The following MARCO variants were observed in gnomAD, a reference collection of about 807,000 sequenced individuals.
The protein encoded by MARCO is macrophage receptor with collagenous structure, also known as macrophage receptor MARCO.
Under a neutral mutation model 70.0 loss-of-function variants are expected in MARCO, and 72 were observed. The ratio of observed to expected loss-of-function variants is 1.03; its 90% CI spans 0.85 to 1.25. The LOEUF (loss-of-function observed/expected upper bound fraction) is 1.25. Ranked by LOEUF, MARCO falls within the 50% of genes most tolerant of loss-of-function variation. MARCO has a pLI of 0.00. For missense variants in MARCO, 696 were observed against 659.3 expected (o/e 1.06, Z -0.61); for synonymous variants, 273 against 243.1 (o/e 1.12, Z -1.14).
chr2:118,945,824 T>A (rs962329919), intron 1 of MARCO, among the ~76,000 whole-genome samples: 47 of 152,158 alleles, frequency 3.1e-4, no homozygotes, highest in African/African-American at 1.1e-3. Context: ...GGTAGAAAAG[T>A]TAGGGTTTTT....
chr2:118,951,315 G>A (rs1304654118), intron 1 of MARCO, among the ~76,000 whole-genome samples: 1 of 152,194 alleles, frequency 6.6e-6, no homozygotes, highest in Non-Finnish European at 1.5e-5. Flanking sequence ...TCCCCGTTAG[G>A]AAACCTACTG....
chr2:118,958,636 C>A (rs1679882518), intron 1 of MARCO, among the ~76,000 whole-genome samples: 2 of 152,084 alleles, frequency 1.3e-5, no homozygotes. Flanking sequence ...CATCATTCTT[C>A]ACAGAGTTAG....
At position 118,984,054 on chromosome 2, in the gene MARCO, G is replaced by A. The variant is rs138954806; in HGVS notation, c.1063+1644G>A. Reference sequence around the variant, plus strand: ...AGCACTCTTTGTAGCACAACTTTACGGTCAAACAGCCATTAAGAGATGCAG... The same window carrying A: ...AGCACTCTTTGTAGCACAACTTTACAGTCAAACAGCCATTAAGAGATGCAG... On this transcript the variant is annotated intron_variant, in intron 12 of 16. Transcript: ENST00000327097. Among the ~76,000 whole-genome samples, 225 of 152,210 alleles carry A rather than the reference G, an allele frequency of 1.5e-3. 3 individuals are homozygous for A. Among genetic ancestry groups the A allele is most frequent in the African/African-American group, 4.6e-3 (191 of 41,538 alleles).
At position 118,991,861 on chromosome 2, in the gene MARCO, A is replaced by AC. The variant is rs1455783642; in HGVS notation, c.1195dup (p.Gln399ProfsTer18). On this transcript the variant is annotated frameshift_variant, in exon 14 of 17. Coordinates refer to ENST00000327097, the MANE Select transcript of MARCO (RefSeq NM_006770.4). LOFTEE classifies it high-confidence loss of function. Reference sequence around the variant, plus strand: ...CCTGGACAAGCTGGCCAGAAGGGAGACCAGGGAGTGAAAGGTAAGGCCTCT... The same window carrying AC: ...CCTGGACAAGCTGGCCAGAAGGGAGACCCAGGGAGTGAAAGGTAAGGCCTCT... 2 of 1,597,170 alleles carry AC rather than the reference A, an allele frequency of 1.3e-6. No homozygotes were observed.
intron 1 of MARCO, among the ~76,000 whole-genome samples, chr2:118,956,129 G>A (rs1679832569): frequency 6.6e-6 from 1 of 152,100 alleles, no homozygotes; most frequent in Non-Finnish European, 1.5e-5. Context: ...GAATGCAATG[G>A]TACCTCACAT....
intron 1 of MARCO, among the ~76,000 whole-genome samples, chr2:118,962,434 G>A (rs77424788): frequency 9.2e-5 from 14 of 151,700 alleles, no homozygotes; most frequent in East Asian, 3.9e-4. Context: ...GGTCCTTCAC[G>A]TCCTCTATTA....
intron 12 of MARCO, among the ~76,000 whole-genome samples, chr2:118,982,994 G>A (rs1367073023): frequency 6.6e-6 from 1 of 152,208 alleles, no homozygotes; most frequent in Non-Finnish European, 1.5e-5. Context: ...GTCACAGTGT[G>A]CTTGCTTGGT....
At chr2:118,963,327 G>T (rs1054880401) in intron 1 of MARCO, among the ~76,000 whole-genome samples, 3 of 147,066 alleles carry the variant, frequency 2.0e-5, no homozygotes, top group Non-Finnish European at 3.0e-5. Context: ...AAATTTTTTT[G>T]ATGCTTTCTT....
rs534623777 is a variant in MARCO at position 118,994,570 on chromosome 2, T to C, written c.*50T>C. 4 of 1,519,096 alleles carry C rather than the reference T, an allele frequency of 2.6e-6. No homozygotes were observed. In the South Asian group the frequency reaches 5.3e-5, roughly 20 times the overall value. The allele number at this position is 1,519,096 out of a possible 1,614,324, so 94.1% of individuals were successfully genotyped here. ...CTCCCGAGGTGTCCTCGGGCTCATA[T>C]GTGGGAAGGCAGAGGATCTCTGAGG... On this transcript the variant is annotated 3_prime_UTR_variant, in exon 17 of 17. Transcript: ENST00000327097.
intron 4 of MARCO, 38 bp from the exon 5 acceptor site, chr2:118,974,295 T>C (rs1012030263): frequency 1.6e-6 from 2 of 1,262,940 alleles, no homozygotes; most frequent in South Asian, 1.3e-5. Context: ...CCCCATCCTG[T>C]TGACTGACTC....
rs367746441 is a variant in MARCO, at chr2:118,946,741, A to T, written c.97+4344A>T. 9.2e-5 allele frequency among the ~76,000 whole-genome samples: 14 copies of T among 152,374 alleles called. No individual in the cohort carries two copies. In the East Asian group the frequency reaches 1.3e-3, roughly 15 times the overall value. Reference sequence around the variant, plus strand: ...TTTGGTTTTACAAGAAGTAGTCGATATATTTTCCAGTGTGACTATACCATT... The same window carrying T: ...TTTGGTTTTACAAGAAGTAGTCGATTTATTTTCCAGTGTGACTATACCATT... On this transcript the variant is annotated intron_variant, in intron 1 of 16. Transcript: ENST00000327097.
rs778263538 is a variant in MARCO at position 118,981,468 on chromosome 2, CA to C, written c.827del (p.Gln276ArgfsTer72). 6.3e-7 allele frequency: 1 copy of C among 1,597,386 alleles called. No individual in the cohort carries two copies. Among genetic ancestry groups the C allele is most frequent in the South Asian group, 1.1e-5 (1 of 87,512 alleles). On this transcript the variant is annotated frameshift_variant, in exon 9 of 17. Coordinates refer to ENST00000327097, the MANE Select transcript of MARCO (RefSeq NM_006770.4). LOFTEE classifies it high-confidence loss of function. ...AGGGGTCATGGGGCCTCCTGGAGCC[CA>C]GGGGAGTAAAGGTGACTTCGGGAGG... ...DAGVMGPPGA[Q>X]GSKGDFGRPG...
chr2:118,971,958 T>A (rs1212508582), intron 4 of MARCO, among the ~76,000 whole-genome samples: 3 of 152,124 alleles, frequency 2.0e-5, no homozygotes. Context: ...AGGGCAGTAA[T>A]GATGGGAGGC....
At chr2:118,947,862 G>T in intron 1 of MARCO, among the ~76,000 whole-genome samples, 2 of 152,124 alleles carry the variant, frequency 1.3e-5, no homozygotes, top group South Asian at 4.2e-4. Context: ...GCTTGTCTAC[G>T]GTTACAAAAA....
chr2:118,981,284 G>A (rs1239157185), intron 8 of MARCO, 125 bp from the exon 9 acceptor site: 7 of 676,664 alleles, frequency 1.0e-5, no homozygotes, highest in Non-Finnish European at 1.8e-5. Flanking sequence ...CCACTCGCGG[G>A]CACCAAGTAG....
intron 16 of MARCO, 58 bp downstream of exon 16, chr2:118,993,358 C>T (rs980487461): frequency 2.5e-5 from 38 of 1,549,120 alleles, no homozygotes; most frequent in Middle Eastern, 4.1e-4. Flanking sequence ...GGCTTTCTCT[C>T]GCTGGTGGGG....
At chr2:118,946,688 A>G (rs1209410204) in intron 1 of MARCO, among the ~76,000 whole-genome samples, 2 of 152,242 alleles carry the variant, frequency 1.3e-5, no homozygotes, top group East Asian at 3.8e-4. Flanking sequence ...TAAATGTCCA[A>G]AAGTGTAATT....
At chr2:118,942,509 T>G in intron 1 of MARCO, 112 bp downstream of exon 1, 1 of 824,842 alleles carries the variant, frequency 1.2e-6, no homozygotes, top group Non-Finnish European at 2.0e-6. Context: ...ATTGCTGCAT[T>G]TTGCACGTAA....
intron 4 of MARCO, among the ~76,000 whole-genome samples, chr2:118,973,935 G>C (rs1391721527): frequency 6.6e-6 from 1 of 152,224 alleles, no homozygotes; most frequent in Non-Finnish European, 1.5e-5. Flanking sequence ...ACAAGGCCCT[G>C]CCCTTGTGAG....
Sources: gnomAD v4.1 joint callset for allele counts (sites outside exome capture counted in the v4.1 genomes callset) on GRCh38, gnomAD v4.1.1 for gene constraint, MANE v1.5 for transcripts, NCBI Gene and HGNC (gene_info 2026-07-23, HGNC 2026-07-21) for gene names.